The following RBBP5 variants were observed in gnomAD, a reference collection of about 807,000 sequenced individuals.
RBBP5 encodes retinoblastoma-binding protein 5.
RBBP5 carries 5 observed loss-of-function variants against 72.2 expected under a neutral mutation model. The observed-to-expected ratio is 0.07, with a 90% CI of 0.04 to 0.15. The LOEUF (loss-of-function observed/expected upper bound fraction) is 0.15. Ranked by LOEUF, RBBP5 falls within the 10% of genes least tolerant of loss-of-function variation. RBBP5 has a pLI of 1.00. For synonymous variants in RBBP5, 209 were observed against 237.2 expected, an observed-to-expected ratio of 0.88 and a Z score of 1.09; for missense variants, 322 against 652.2, an observed-to-expected ratio of 0.49 and a Z score of 5.51.
intron 5 of RBBP5, among the ~76,000 whole-genome samples, chr1:205,102,955 T>G (rs1655900078): frequency 6.9e-6 from 1 of 145,228 alleles, no homozygotes; most frequent in Middle Eastern, 3.6e-3. Context: ...ATGGTGCCAT[T>G]GCACTCCAGC....
intron 11 of RBBP5, 56 bp from the exon 12 acceptor site, chr1:205,096,967 A>T: frequency 6.9e-7 from 1 of 1,458,638 alleles, no homozygotes; most frequent in Non-Finnish European, 9.3e-7. Context: ...AGTTGCTTAA[A>T]CCATGAGCCC....
chr1:205,107,791 C>A (rs534517526), intron 3 of RBBP5, among the ~76,000 whole-genome samples: 3 of 151,992 alleles, frequency 2.0e-5, no homozygotes, highest in Admixed American at 2.0e-4. Flanking sequence ...ACTAAAAATA[C>A]AAAAATTAGC....
chr1:205,102,118 A>G (rs1193420659), intron 5 of RBBP5, among the ~76,000 whole-genome samples: 1 of 151,874 alleles, frequency 6.6e-6, no homozygotes, highest in African/African-American at 2.4e-5. Context: ...CTGGTCTCAA[A>G]CTCCCAACCT....
At position 205,099,816 on chromosome 1, in the gene RBBP5, A is replaced by T. The variant is rs1199331749; in HGVS notation, c.907-4T>A. ...TGATGGGTCGAACAGGATGCCACTA[A>T]ATTTTAGTGAAGGAAAGAAAAACAG... On this transcript the variant is annotated splice_polypyrimidine_tract_variant and splice_region_variant and intron_variant, in intron 8 of 13. Coordinates refer to ENST00000264515, the MANE Select transcript of RBBP5 (RefSeq NM_005057.4). The surrounding 1 kb of genome is among the most constrained non-coding windows in gnomAD (Gnocchi z 4.7). The T allele has an allele frequency of 6.2e-7, 1 of 1,614,022 alleles. No homozygotes were observed. Among genetic ancestry groups the T allele is most frequent in the East Asian group, 2.2e-5 (1 of 44,888 alleles).
chr1:205,095,242 C>T (rs541356666), intron 12 of RBBP5, among the ~76,000 whole-genome samples, 178 bp from the exon 13 acceptor site: 1 of 152,276 alleles, frequency 6.6e-6, no homozygotes, highest in South Asian at 2.1e-4. Flanking sequence ...AGAGATAGTT[C>T]CTTGGCCAAA....
rs1273494119 is a variant in RBBP5, at chr1:205,087,620, A to C, written c.*1167T>G. The C allele has an allele frequency of 6.6e-6, 1 of 152,304 alleles. No homozygotes were observed. Among genetic ancestry groups the C allele is most frequent in the African/African-American group, 2.4e-5 (1 of 41,334 alleles). 9.4% of individuals were successfully genotyped at this position (152,304 alleles called of 1,614,324 possible). ...TTCCAGTCAGCTAAAAACGCCACTCAGAGAAGCTACTGAGCCCTTTTCACA... is the reference window on the plus strand; with the variant it reads ...TTCCAGTCAGCTAAAAACGCCACTCCGAGAAGCTACTGAGCCCTTTTCACA... On this transcript the variant is annotated 3_prime_UTR_variant, in exon 14 of 14. Coordinates refer to ENST00000264515, the MANE Select transcript of RBBP5 (RefSeq NM_005057.4).
intron 3 of RBBP5, among the ~76,000 whole-genome samples, chr1:205,105,915 T>C (rs1656044631): frequency 6.6e-6 from 1 of 151,822 alleles, no homozygotes; most frequent in Admixed American, 6.6e-5. Context: ...GAAATGCAAA[T>C]CCCCCTCTTA....
intron 1 of RBBP5, among the ~76,000 whole-genome samples, chr1:205,117,243 AG>A (rs1656562835): frequency 6.6e-6 from 1 of 151,890 alleles, no homozygotes; most frequent in South Asian, 2.1e-4. Context: ...TAGTAGAGAC[AG>A]GGTTTTACCA....
intron 10 of RBBP5, 149 bp from the exon 11 acceptor site, chr1:205,097,544 G>T: frequency 2.5e-6 from 2 of 798,456 alleles, no homozygotes; most frequent in Non-Finnish European, 4.1e-6. Context: ...ACAAATATGT[G>T]CTGAATTTCC....
At chr1:205,118,378 G>A (rs1268246849) in intron 1 of RBBP5, among the ~76,000 whole-genome samples, 2 of 151,938 alleles carry the variant, frequency 1.3e-5, no homozygotes, top group African/African-American at 4.8e-5. Flanking sequence ...TTGGGAGGCC[G>A]AGGTGGGCAG....
At chr1:205,117,772 G>A (rs974843346) in intron 1 of RBBP5, among the ~76,000 whole-genome samples, 2 of 151,994 alleles carry the variant, frequency 1.3e-5, no homozygotes, top group East Asian at 1.9e-4. Flanking sequence ...ATTTGGGATG[G>A]GGAGGCTTTT....
At chr1:205,093,397 T>G (rs1655431298) in intron 13 of RBBP5, among the ~76,000 whole-genome samples, 1 of 144,124 alleles carries the variant, frequency 6.9e-6, no homozygotes, top group Non-Finnish European at 1.5e-5. Flanking sequence ...AGGCAGAGGT[T>G]GCAGTGAGCT....
chr1:205,110,045 T>C (rs1021295617), intron 3 of RBBP5, among the ~76,000 whole-genome samples: 26 of 151,906 alleles, frequency 1.7e-4, no homozygotes, highest in Admixed American at 2.6e-4. Context: ...TTTTGGGTTT[T>C]TTTTTTCCGA....
chr1:205,101,058 T>A (rs776670991), intron 6 of RBBP5, among the ~76,000 whole-genome samples: 3 of 152,094 alleles, frequency 2.0e-5, no homozygotes, highest in Non-Finnish European at 2.9e-5. Flanking sequence ...TGTGGCAGGG[T>A]TCCTAACAGG....
At chr1:205,094,643 G>T (rs1655541492) in intron 13 of RBBP5, among the ~76,000 whole-genome samples, 1 of 152,148 alleles carries the variant, frequency 6.6e-6, no homozygotes, top group Admixed American at 6.5e-5. Flanking sequence ...ATAACATCAG[G>T]GGAATGTAGA....
At chr1:205,107,946 C>CA (rs772446580) in intron 3 of RBBP5, among the ~76,000 whole-genome samples, 41,109 of 99,552 alleles carry the variant, frequency 0.41, 7,779 homozygotes, top group Non-Finnish European at 0.51. Flanking sequence ...AAATCTGTCT[C>CA]AAAAAAAAAA....
chr1:205,116,212 T>C, intron 1 of RBBP5: 1 of 425,508 alleles, frequency 2.4e-6, no homozygotes, highest in Non-Finnish European at 4.4e-6. Flanking sequence ...AACAGTGGCA[T>C]TTTCCTCACT....
rs187697720 is a variant in RBBP5, at chr1:205,090,340, G to T, written c.1589-1525C>A. On this transcript the variant is annotated intron_variant, in intron 13 of 13. Transcript: ENST00000264515. ...ACCTAAATCATAATAGGAGAAAGTGGCTTGATCACTAATCAACAGCATTAG... is the reference window on the plus strand; with the variant it reads ...ACCTAAATCATAATAGGAGAAAGTGTCTTGATCACTAATCAACAGCATTAG... Among the ~76,000 whole-genome samples the T allele has an allele frequency of 2.0e-4, 31 of 152,286 alleles. No individual in the cohort carries two copies. The East Asian group carries it at 6.0e-3, about 29-fold the overall frequency.
chr1:205,102,452 G>A (rs1244126477), intron 5 of RBBP5, among the ~76,000 whole-genome samples: 1 of 152,168 alleles, frequency 6.6e-6, no homozygotes, highest in Non-Finnish European at 1.5e-5. Context: ...GAGGTACCTG[G>A]AGTAGTCAAA....
Sources: allele counts gnomAD v4.1 joint callset (sites outside exome capture counted in the v4.1 genomes callset), GRCh38; gene constraint gnomAD v4.1.1; non-coding constraint Gnocchi (gnomAD v3.1); transcripts MANE v1.5; gene names NCBI Gene and HGNC (gene_info 2026-07-23, HGNC 2026-07-21).